The following AMOTL1 variants were observed in gnomAD, a reference collection of about 807,000 sequenced individuals.
AMOTL1 encodes angiomotin-like protein 1.
AMOTL1 carries 45 observed loss-of-function variants against 102.9 expected under a neutral mutation model. The ratio of observed to expected loss-of-function variants is 0.44; its 90% CI spans 0.34 to 0.56. The LOEUF (loss-of-function observed/expected upper bound fraction) is 0.56, where lower values mean the gene tolerates loss of function less well. AMOTL1 is among the 20% of genes least tolerant of loss of function. AMOTL1 has a pLI of 0.01. For synonymous variants in AMOTL1, 481 were observed against 484.7 expected, an observed-to-expected ratio of 0.99 and a Z score of 0.10; for missense variants, 1,114 against 1,225.6, an observed-to-expected ratio of 0.91 and a Z score of 1.36.
rs577312427 is a variant in AMOTL1, at chr11:94,799,527, A to G, written c.337A>G (p.Thr113Ala). The G allele has an allele frequency of 5.0e-6, 8 of 1,613,754 alleles. No homozygotes were observed. In the African/African-American group the frequency reaches 8.0e-5, roughly 16 times the overall value. The change falls in exon 3 of 13, where the codon ACC becomes GCC. Residue 113 changes from threonine to alanine, a missense_variant. Thr to Ala is a moderately conservative substitution (Grantham distance 58). Transcript: ENST00000433060. This position sits in a 1 kb window ranked among gnomAD's most constrained non-coding sequence, Gnocchi z 4.5. Reference sequence around the variant, plus strand: ...GGAACAACTGCGGTATGGCACCCCAACCGAGAACATGAACTTGCTGGCCAT... The same window carrying G: ...GGAACAACTGCGGTATGGCACCCCAGCCGAGAACATGAACTTGCTGGCCAT... ...IQEQLRYGTP[T>A]ENMNLLAIQH...
chr11:94,780,177 C>T (rs1951089318), intron 1 of AMOTL1, among the ~76,000 whole-genome samples: 1 of 152,110 alleles, frequency 6.6e-6, no homozygotes, highest in South Asian at 2.1e-4. Flanking sequence ...AGGACAAATC[C>T]ATCACTCCCT....
At chr11:94,863,991 C>G (rs1313317216) in intron 9 of AMOTL1, among the ~76,000 whole-genome samples, 1 of 152,128 alleles carries the variant, frequency 6.6e-6, no homozygotes, top group Non-Finnish European at 1.5e-5. Flanking sequence ...TTGTCCTGAC[C>G]TGCATCCCAG....
At chr11:94,717,848 C>G (rs1203004232) in intron 1 of AMOTL1, among the ~76,000 whole-genome samples, 3 of 150,966 alleles carry the variant, frequency 2.0e-5, no homozygotes, top group Non-Finnish European at 4.4e-5. Flanking sequence ...TAAAAATGGG[C>G]AAAGTACATG....
intron 3 of AMOTL1, among the ~76,000 whole-genome samples, chr11:94,817,777 G>A (rs1951790917): frequency 6.6e-6 from 1 of 152,152 alleles, no homozygotes; most frequent in Non-Finnish European, 1.5e-5. Context: ...CACTAGAATA[G>A]AGGAAAAACT....
intron 1 of AMOTL1, among the ~76,000 whole-genome samples, chr11:94,713,035 T>G (rs1950042893): frequency 6.8e-6 from 1 of 147,768 alleles, no homozygotes; most frequent in Admixed American, 8.0e-5. Context: ...TCAAATTTAG[T>G]TTTTTTTTGT....
chr11:94,866,426 G>A (rs1246204786), intron 11 of AMOTL1: 3 of 492,440 alleles, frequency 6.1e-6, no homozygotes, highest in Non-Finnish European at 7.4e-6. Flanking sequence ...TGTAAGTTGA[G>A]GTGACCCTTA....
intron 1 of AMOTL1, among the ~76,000 whole-genome samples, chr11:94,775,078 G>T (rs1161047832): frequency 6.6e-6 from 1 of 152,142 alleles, no homozygotes; most frequent in Non-Finnish European, 1.5e-5. Flanking sequence ...ATCTTCTAAG[G>T]TTATTGTGTG....
At chr11:94,849,254 A>G (rs1952481351) in intron 6 of AMOTL1, among the ~76,000 whole-genome samples, 2 of 152,186 alleles carry the variant, frequency 1.3e-5, no homozygotes, top group South Asian at 4.1e-4. Context: ...CCAATCTCTT[A>G]CGTACTGTTT....
intron 6 of AMOTL1, among the ~76,000 whole-genome samples, chr11:94,849,209 G>A (rs116520948): frequency 0.012 from 1,773 of 152,166 alleles, 44 homozygotes; most frequent in African/African-American, 0.041. Context: ...TTTAATGGAT[G>A]CATCCTATCA....
rs986380187 is a variant in AMOTL1 at position 94,850,030 on chromosome 11, A to C, written c.1649-84A>C. The C allele has an allele frequency of 4.2e-6, 6 of 1,420,990 alleles. No homozygotes were observed. The African/African-American group carries it at 7.2e-5, about 17-fold the overall frequency. 88.0% of individuals were successfully genotyped at this position (1,420,990 alleles called of 1,614,324 possible). A position where few individuals can be genotyped will look rare whatever the true frequency, so the allele number is the denominator to read the frequency against. ...TTATTTGCATGCTTTTTTATTTTTA[A>C]TCCTTGCCAGATGTCGACTGGCCGT... On this transcript the variant is annotated intron_variant, in intron 6 of 12. Coordinates refer to ENST00000433060, the MANE Select transcript of AMOTL1 (RefSeq NM_130847.3).
intron 3 of AMOTL1, among the ~76,000 whole-genome samples, chr11:94,800,520 C>A (rs529602107): frequency 5.3e-5 from 8 of 152,206 alleles, no homozygotes; most frequent in African/African-American, 1.9e-4. Context: ...TAGCAGCAGG[C>A]AGTTGGGGAT....
intron 3 of AMOTL1, among the ~76,000 whole-genome samples, chr11:94,747,697 C>T (rs1950606051): frequency 6.6e-6 from 1 of 152,158 alleles, no homozygotes; most frequent in South Asian, 2.1e-4. Flanking sequence ...CGTGCTTGTG[C>T]AATGGTCAAA....
At chr11:94,801,270 G>A (rs748184896) in intron 3 of AMOTL1, among the ~76,000 whole-genome samples, 9 of 152,154 alleles carry the variant, frequency 5.9e-5, no homozygotes, top group African/African-American at 1.9e-4. Context: ...AGACAAAGAG[G>A]TCATGAGGAT....
chr11:94,854,696 T>A (rs1348967844), intron 8 of AMOTL1, among the ~76,000 whole-genome samples: 1 of 151,906 alleles, frequency 6.6e-6, no homozygotes, highest in Non-Finnish European at 1.5e-5. Flanking sequence ...ATGTTAAAGT[T>A]GCAGAGGCCA....
At chr11:94,784,997 T>G (rs1951163134) in intron 1 of AMOTL1, among the ~76,000 whole-genome samples, 1 of 150,184 alleles carries the variant, frequency 6.7e-6, no homozygotes, top group Non-Finnish European at 1.5e-5. Context: ...GAAAAGAAAA[T>G]AATATGCAGC....
Position 94,799,349 on chromosome 11 carries a change from T to C in AMOTL1, c.200-41T>C. ...CATAGTCACAGACATATATCTCCTG[T>C]GGAGCTGCCTGATATCTTTTTTCCT... is the stretch of plus-strand genomic sequence containing the variant. On this transcript the variant is annotated intron_variant, in intron 2 of 12. Coordinates refer to ENST00000433060, the MANE Select transcript of AMOTL1 (RefSeq NM_130847.3). The surrounding 1 kb of genome is among the most constrained non-coding windows in gnomAD (Gnocchi z 4.5). The C allele has an allele frequency of 6.8e-7, 1 of 1,464,064 alleles. No homozygotes were observed. Among genetic ancestry groups the C allele is most frequent in the African/African-American group, 1.4e-5 (1 of 70,870 alleles). 90.7% of individuals were successfully genotyped at this position (1,464,064 alleles called of 1,614,324 possible).
In AMOTL1 at chr11:94,850,273, G is replaced by A. The variant is rs1340099939; in HGVS notation, c.1794+14G>A. ...CTGGAAGAGGAGGTGAGACCAGGCTGTGGGGATTTGGTGGGGAAGAGGGCA... is the reference window on the plus strand; with the variant it reads ...CTGGAAGAGGAGGTGAGACCAGGCTATGGGGATTTGGTGGGGAAGAGGGCA... On this transcript the variant is annotated intron_variant, in intron 7 of 12. Coordinates refer to ENST00000433060, the MANE Select transcript of AMOTL1 (RefSeq NM_130847.3). The A allele has an allele frequency of 5.7e-6, 9 of 1,585,688 alleles. No individual in the cohort carries two copies. Among genetic ancestry groups the A allele is most frequent in the Non-Finnish European group, 7.7e-6 (9 of 1,166,602 alleles).
At chr11:94,852,727 C>T (rs1021591879) in intron 7 of AMOTL1, among the ~76,000 whole-genome samples, 5 of 152,126 alleles carry the variant, frequency 3.3e-5, no homozygotes, top group African/African-American at 2.4e-5. Context: ...ATTCACTGTG[C>T]ACTTCCCATC....
chr11:94,760,548 C>T (rs1233058585), intron 3 of AMOTL1, among the ~76,000 whole-genome samples: 1 of 152,222 alleles, frequency 6.6e-6, no homozygotes, highest in Non-Finnish European at 1.5e-5. Flanking sequence ...GAATGCTCTT[C>T]CTGCCTCCTT....
Sources: gnomAD v4.1 joint callset for allele counts (sites outside exome capture counted in the v4.1 genomes callset) on GRCh38, gnomAD v4.1.1 for gene constraint, Gnocchi (gnomAD v3.1) non-coding constraint, MANE v1.5 for transcripts, NCBI Gene and HGNC (gene_info 2026-07-23, HGNC 2026-07-21) for gene names.